Variants in FLT4 observed in about 807,000 individuals in gnomAD.
The protein encoded by FLT4 is fms related receptor tyrosine kinase 4.
In FLT4, 30 loss-of-function variants were observed where a neutral mutation model predicts 163.2. The ratio of observed to expected loss-of-function variants is 0.18; its 90% confidence interval spans 0.14 to 0.25. The LOEUF (loss-of-function observed/expected upper bound fraction) is 0.25. FLT4 is among the 10% of genes least tolerant of loss of function. The pLI, the probability that FLT4 is intolerant of heterozygous loss-of-function variation, is 1.00. For missense variants in FLT4, 1,510 were observed against 1,863.8 expected (o/e 0.81, Z 3.50); for synonymous variants, 884 against 789.5 (o/e 1.12, Z -2.01).
chr5:180,632,794 G>A (rs1358384183), intron 1 of FLT4, among the ~76,000 whole-genome samples: 1 of 152,184 alleles, frequency 6.6e-6, no homozygotes, highest in African/African-American at 2.4e-5. Context: ...ACACATGAGT[G>A]TGTATGTGGT....
chr5:180,646,660 T>G (rs1475400438), intron 1 of FLT4, among the ~76,000 whole-genome samples: 1 of 152,180 alleles, frequency 6.6e-6, no homozygotes, highest in Non-Finnish European at 1.5e-5. Context: ...GGCATGTCTG[T>G]GTCCCTGCAA....
At chr5:180,608,365 C>T in intron 29 of FLT4, 1 of 700,088 alleles carries the variant, frequency 1.4e-6, no homozygotes, top group East Asian at 2.7e-5. Flanking sequence ...CCTCCTGACC[C>T]TGCCCCCTTG....
In FLT4 at chr5:180,612,498, G is replaced by A. The variant is rs2127793922; in HGVS notation, c.3537+8C>T. 6.2e-7 allele frequency: 1 copy of A among 1,604,054 alleles called. No homozygotes were observed. Among genetic ancestry groups the A allele is most frequent in the Non-Finnish European group, 8.5e-7 (1 of 1,170,918 alleles). The stretch of plus-strand genomic sequence containing the variant: ...GCCATAGTAGAACAGGGTGGGGAAG[G>A]GGCTCACTTGCAGGCCCCTGCCCTG... On this transcript the variant is annotated splice_region_variant and intron_variant, in intron 26 of 29. Transcript: ENST00000261937.
intron 23 of FLT4, 148 bp downstream of exon 23, chr5:180,616,219 G>A: frequency 3.6e-6 from 4 of 1,125,166 alleles, no homozygotes; most frequent in Non-Finnish European, 5.3e-6. Context: ...GGGGGCAGGA[G>A]GTCCACCAGC....
Position 180,619,257 on chromosome 5 carries a change from C to A in FLT4, c.2757G>T (p.Pro919=). ...VVNLLGACTK[P]QGPLMVIVEF... ...AGCGGGCCGCCCGCTCCGTACCCTG[C>A]GGCTTGGTGCACGCCCCGAGGAGGT... Residue 919 remains proline (P), a synonymous_variant, in exon 19 of 30, where the codon CCG becomes CCT. Transcript: ENST00000261937. 1.2e-6 allele frequency: 2 copies of A among 1,607,620 alleles called. No individual in the cohort carries two copies. The highest frequency in any genetic ancestry group is 2.2e-5 in the East Asian group (1 of 44,704).
At position 180,609,073 on chromosome 5, in the gene FLT4, C is replaced by A. The variant is rs754699156; in HGVS notation, c.3808-20G>T. 2 of 1,610,330 alleles carry A rather than the reference C, an allele frequency of 1.2e-6. No individual in the cohort carries two copies. The highest frequency in any genetic ancestry group is 1.7e-5 in the Admixed American group (1 of 60,008). ...GTTGTCCTGTGTGGAGAGGACAAGC[C>A]AGGCTGTGGGTCCCGCCTGAGGCCC... On this transcript the variant is annotated intron_variant, in intron 28 of 29. Coordinates refer to ENST00000261937, the MANE Select transcript of FLT4 (RefSeq NM_182925.5).
At chr5:180,608,085 C>A in intron 29 of FLT4, 1 of 700,452 alleles carries the variant, frequency 1.4e-6, no homozygotes, top group Non-Finnish European at 2.6e-6. Context: ...ATCCGGAGGC[C>A]TAACCCCTCC....
intron 28 of FLT4, chr5:180,609,660 G>T: frequency 2.0e-6 from 1 of 491,210 alleles, no homozygotes; most frequent in Non-Finnish European, 3.7e-6. Context: ...CCTTCCACTG[G>T]GGTTTCTGCG....
chr5:180,633,214 G>C (rs1321707026), intron 1 of FLT4, among the ~76,000 whole-genome samples: 1 of 152,120 alleles, frequency 6.6e-6, no homozygotes, highest in African/African-American at 2.4e-5. Context: ...AATGATCTCT[G>C]GCCTCTCCCT....
chr5:180,623,823 G>T lies in FLT4; in HGVS notation c.1548+112C>A. 7.1e-7 allele frequency: 1 copy of T among 1,407,824 alleles called. No homozygotes were observed. The highest frequency in any genetic ancestry group is 1.0e-6 in the Non-Finnish European group (1 of 999,716). 87.2% of individuals were successfully genotyped at this position (1,407,824 alleles called of 1,614,324 possible). On this transcript the variant is annotated intron_variant, in intron 11 of 29. Coordinates refer to ENST00000261937, the MANE Select transcript of FLT4 (RefSeq NM_182925.5). The surrounding 1 kb of genome is among the most constrained non-coding windows in gnomAD (Gnocchi z 5.8). ...GACTGCAGGAAGGTCACCCGCTCTC[G>T]GCTGCTCTGCCCAGCACTCTGGAAG...
At chr5:180,608,433 C>A in intron 29 of FLT4, 2 of 681,160 alleles carry the variant, frequency 2.9e-6, no homozygotes, top group South Asian at 3.1e-5. Flanking sequence ...CCGGTCTCCA[C>A]GTCTTGATGG....
intron 2 of FLT4, 106 bp downstream of exon 2, chr5:180,631,576 C>T: frequency 2.1e-6 from 2 of 930,282 alleles, no homozygotes; most frequent in South Asian, 1.3e-5. Flanking sequence ...CCACTCTGCC[C>T]TGACTCTGCC....
intron 2 of FLT4, among the ~76,000 whole-genome samples, 163 bp downstream of exon 2, chr5:180,631,519 G>A: frequency 6.6e-6 from 1 of 152,138 alleles, no homozygotes; most frequent in East Asian, 1.9e-4. Context: ...TTGAGGCTGG[G>A]GAGGACCGAA....
chr5:180,616,814 C>T, intron 22 of FLT4, 86 bp downstream of exon 22: 1 of 1,041,636 alleles, frequency 9.6e-7, no homozygotes, highest in South Asian at 1.3e-5. Context: ...AGAGCCATTG[C>T]AGGGTGAGGC....
At chr5:180,613,931 C>A in intron 24 of FLT4, 137 bp downstream of exon 24, 1 of 728,874 alleles carries the variant, frequency 1.4e-6, no homozygotes, top group Non-Finnish European at 2.5e-6. Context: ...CCCTTGGTGG[C>A]CCACAAACCA....
chr5:180,643,263 G>A (rs1765259130), intron 1 of FLT4, among the ~76,000 whole-genome samples: 1 of 152,226 alleles, frequency 6.6e-6, no homozygotes, highest in South Asian at 2.1e-4. Flanking sequence ...CCTCCATTCT[G>A]AGCTGAAATG....
intron 10 of FLT4, among the ~76,000 whole-genome samples, chr5:180,625,246 C>T (rs949454451): frequency 7.2e-5 from 11 of 152,234 alleles, no homozygotes; most frequent in African/African-American, 2.4e-4. Context: ...CCCACCTGGG[C>T]GTCCTCCTCT....
Position 180,609,979 on chromosome 5 carries a change from C to T in FLT4, c.3733G>A (p.Glu1245Lys). Reference protein sequence around the residue: ...SFPGCLARGAETRGSSRMKTF... With the variant: ...SFPGCLARGAKTRGSSRMKTF... ...TTCATCCTGGAGGAACCACGGGTCT[C>T]AGCCCCTCTGGCCAGGCACCCGGGA... Residue 1245 changes from glutamate (E) to lysine (K), a missense_variant, in exon 28 of 30, where the codon GAG becomes AAG. Glu to Lys is a moderately conservative substitution (Grantham distance 56, BLOSUM62 1). Coordinates refer to ENST00000261937, the MANE Select transcript of FLT4 (RefSeq NM_182925.5). The T allele has an allele frequency of 1.2e-6, 2 of 1,614,196 alleles. No homozygotes were observed. The highest frequency in any genetic ancestry group is 1.7e-6 in the Non-Finnish European group (2 of 1,180,008).
chr5:180,629,579 C>T (rs757074261), intron 6 of FLT4, 117 bp downstream of exon 6: 15 of 1,465,390 alleles, frequency 1.0e-5, no homozygotes, highest in Non-Finnish European at 1.2e-5. Context: ...GCCACTCAGA[C>T]CGGGGCCCCT....
Sources: allele counts gnomAD v4.1 joint callset (sites outside exome capture counted in the v4.1 genomes callset), GRCh38; gene constraint gnomAD v4.1.1; non-coding constraint Gnocchi (gnomAD v3.1); transcripts MANE v1.5; gene names NCBI Gene and HGNC (gene_info 2026-07-23, HGNC 2026-07-21).